The following RPL3 variants were observed in gnomAD, a reference collection of about 807,000 sequenced individuals.
RPL3 encodes large ribosomal subunit protein uL3.
A neutral mutation model predicts 46.0 loss-of-function variants in RPL3; 3 were observed. That is an observed-to-expected ratio of 0.07 (90% confidence interval 0.03 to 0.17). The LOEUF is 0.17. RPL3 is among the 10% of genes least tolerant of loss of function. The pLI is 1.00. For missense variants in RPL3, 387 were observed against 532.7 expected (o/e 0.73, Z 2.69); for synonymous variants, 224 against 190.8 (o/e 1.17, Z -1.43).
intron 1 of RPL3, 146 bp from the exon 2 acceptor site, chr22:39,318,738 T>C: frequency 1.5e-6 from 1 of 667,840 alleles, no homozygotes; most frequent in Non-Finnish European, 2.5e-6. Flanking sequence ...TCATTATCTC[T>C]TCCAGGCTCG....
intron 2 of RPL3, chr22:39,318,002 T>C (rs1328383093): frequency 1.2e-5 from 4 of 341,114 alleles, no homozygotes; most frequent in Non-Finnish European, 2.2e-5. Flanking sequence ...CAACCAGTGC[T>C]GTTAGACATC....
At chr22:39,318,686 T>A in intron 1 of RPL3, 94 bp from the exon 2 acceptor site, 1 of 1,039,096 alleles carries the variant, frequency 9.6e-7, no homozygotes, top group Non-Finnish European at 1.4e-6. Flanking sequence ...TCAGCAATAC[T>A]GAAGAATCCT....
intron 6 of RPL3, 31 bp from the exon 7 acceptor site, chr22:39,314,239 G>A (rs137621): frequency 0.46 from 721,745 of 1,585,162 alleles, 172,796 homozygotes; most frequent in Non-Finnish European, 0.5. Flanking sequence ...TAAGGCTGGG[G>A]CATTAGGGAC....
chr22:39,318,385 G>C lies in RPL3; in HGVS notation c.196+15C>G, dbSNP rs771762173. The C allele has an allele frequency of 1.2e-6, 2 of 1,606,496 alleles. No individual in the cohort carries two copies. Among genetic ancestry groups the C allele is most frequent in the Non-Finnish European group, 1.7e-6 (2 of 1,177,626 alleles). On this transcript the variant is annotated intron_variant, in intron 2 of 9. Transcript: ENST00000216146. Reference sequence around the variant, plus strand: ...CCACTCCTATTCCCCCAACTTTTAGGATGTCTGTACATACTGGATCCCGGC... The same window carrying C: ...CCACTCCTATTCCCCCAACTTTTAGCATGTCTGTACATACTGGATCCCGGC...
In RPL3 at chr22:39,315,541, A is replaced by G. The variant is rs1244339823; in HGVS notation, c.516T>C (p.Pro172=). ...VIAHTQMRLL[P]LRQKKAHLME... ...TCAGGTGGGCCTTCTTCTGGCGCAG[A>G]GGAAGCAGGCGCATCTAGGAGAAGG... The change falls in exon 5 of 10, where the codon CCT becomes CCC. Residue 172 remains proline, a synonymous_variant. Coordinates refer to ENST00000216146, the MANE Select transcript of RPL3 (RefSeq NM_000967.4). The G allele has an allele frequency of 6.2e-7, 1 of 1,614,088 alleles. No individual in the cohort carries two copies. Among genetic ancestry groups the G allele is most frequent in the South Asian group, 1.1e-5 (1 of 91,090 alleles).
At chr22:39,317,322 T>A in intron 3 of RPL3, 139 bp downstream of exon 3, 1 of 974,998 alleles carries the variant, frequency 1.0e-6, no homozygotes, top group Non-Finnish European at 1.5e-6. Context: ...ATCCCAGGTA[T>A]TTTTCTGTTC....
At chr22:39,313,507 G>T in intron 8 of RPL3, 127 bp downstream of exon 8, 1 of 1,247,786 alleles carries the variant, frequency 8.0e-7, no homozygotes, top group Non-Finnish European at 1.1e-6. Flanking sequence ...GGACTTCAAA[G>T]CCAGTGTGAA....
At chr22:39,313,108 C>A in intron 9 of RPL3, 83 bp downstream of exon 9, 1 of 1,598,410 alleles carries the variant, frequency 6.3e-7, no homozygotes, top group Non-Finnish European at 8.5e-7. Context: ...GGCATCAAGA[C>A]CACCCCTACC....
chr22:39,319,470 G>T, intron 1 of RPL3, 125 bp downstream of exon 1: 1 of 1,317,254 alleles, frequency 7.6e-7, no homozygotes, highest in Non-Finnish European at 1.1e-6. Flanking sequence ...TGAAGTCCCC[G>T]CTGGGTCGCC....
Position 39,313,046 on chromosome 22 carries a change from TAG to T in RPL3, c.1168-64_1168-63del, listed in dbSNP as rs368720036. 1.6e-4 allele frequency: 258 copies of T among 1,611,744 alleles called. 2 individuals carry two copies. In the African/African-American group the frequency reaches 2.7e-3, roughly 17 times the overall value. Reference sequence around the variant, plus strand: ...GACAGGTGACAGCAGATGCCCACTCTAGAGGAGACCAAGACTCTGGGCCAGTC... The same window carrying T: ...GACAGGTGACAGCAGATGCCCACTCTAGGAGACCAAGACTCTGGGCCAGTC... On this transcript the variant is annotated intron_variant, in intron 9 of 9. Transcript: ENST00000216146.
chr22:39,318,360 C>G (rs779069717), intron 2 of RPL3, 40 bp downstream of exon 2: 1 of 1,596,858 alleles, frequency 6.3e-7, no homozygotes, highest in Admixed American at 1.8e-5. Context: ...CCCTCCCCCT[C>G]CACTCCTATT....
At chr22:39,318,320 G>T in intron 2 of RPL3, 80 bp downstream of exon 2, 1 of 1,490,890 alleles carries the variant, frequency 6.7e-7, no homozygotes. Context: ...TCTGCCCTCT[G>T]CTAACAGCTT....
chr22:39,319,389 C>T, intron 1 of RPL3: 1 of 683,084 alleles, frequency 1.5e-6, no homozygotes, highest in Non-Finnish European at 2.5e-6. Flanking sequence ...CTCTGGCCGA[C>T]CTGCAGGCCC....
chr22:39,315,357 C>T lies in RPL3; in HGVS notation c.688+12G>A, dbSNP rs370173039. On this transcript the variant is annotated intron_variant, in intron 5 of 9. Coordinates refer to ENST00000216146, the MANE Select transcript of RPL3 (RefSeq NM_000967.4). Reference sequence around the variant, plus strand: ...AGGTTTGCACAGCAACTCAAGCCACCGCAAAGCTCACCTTTGTAGCCTTTG... The same window carrying T: ...AGGTTTGCACAGCAACTCAAGCCACTGCAAAGCTCACCTTTGTAGCCTTTG... The T allele has an allele frequency of 1.5e-5, 25 of 1,614,066 alleles. No individual in the cohort carries two copies. Among genetic ancestry groups the T allele is most frequent in the Non-Finnish European group, 1.9e-5 (22 of 1,180,034 alleles).
At chr22:39,314,877 C>G (rs778489032) in intron 5 of RPL3, 31 bp from the exon 6 acceptor site, 1 of 1,599,552 alleles carries the variant, frequency 6.3e-7, no homozygotes, top group East Asian at 2.2e-5. Flanking sequence ...TTCACCTCAG[C>G]GCCCAGCACC....
In RPL3 at chr22:39,318,428, G is replaced by A. The variant is rs951666976; in HGVS notation, c.168C>T (p.Ile56=). Reference sequence around the variant, plus strand: ...ATCCCGGCCTGTCGACTTCCCGCACGATGTGAGTCATGCCAGCCTTGTATC... The same window carrying A: ...ATCCCGGCCTGTCGACTTCCCGCACAATGTGAGTCATGCCAGCCTTGTATC... ...FLGYKAGMTH[I]VREVDRPGSK... is the part of the protein sequence containing the mutation. The change falls in exon 2 of 10, where the codon ATC becomes ATT. Residue 56 remains isoleucine (I), a synonymous_variant. Coordinates refer to ENST00000216146, the MANE Select transcript of RPL3 (RefSeq NM_000967.4). 1.1e-5 allele frequency: 17 copies of A among 1,613,866 alleles called. No homozygotes were observed. The highest frequency in any genetic ancestry group is 4.4e-5 in the South Asian group (4 of 91,070).
intron 1 of RPL3, chr22:39,318,983 A>C (rs1055821681): frequency 1.9e-6 from 1 of 540,072 alleles, no homozygotes; most frequent in Non-Finnish European, 3.8e-6. Flanking sequence ...ATGTTAAGCT[A>C]TAGGCTGCCT....
chr22:39,314,743 G>A lies in RPL3; in HGVS notation c.792C>T (p.Phe264=), dbSNP rs777317242. The A allele has an allele frequency of 6.2e-7, 1 of 1,613,688 alleles. No individual in the cohort carries two copies. The highest frequency in any genetic ancestry group is 8.5e-7 in the Non-Finnish European group (1 of 1,180,016). Residue 264 remains phenylalanine, a synonymous_variant, in exon 6 of 10, where the codon TTC becomes TTT. Coordinates refer to ENST00000216146, the MANE Select transcript of RPL3 (RefSeq NM_000967.4). The part of the protein sequence containing the change: ...IGAWHPARVA[F]SVARAGQKGY... ...CTTTCTGCCCAGCGCGTGCCACAGA[G>A]AAGGCTACACGAGCAGGATGCCATG...
chr22:39,314,952 T>C (rs1161053530), intron 5 of RPL3, 106 bp from the exon 6 acceptor site: 3 of 1,475,182 alleles, frequency 2.0e-6, no homozygotes, highest in African/African-American at 1.4e-5. Flanking sequence ...GAGGGAGTGA[T>C]AAGATTATTT....
Sources: gnomAD v4.1 joint callset for allele counts on GRCh38, gnomAD v4.1.1 for gene constraint, MANE v1.5 for transcripts, NCBI Gene and HGNC (gene_info 2026-07-23, HGNC 2026-07-21) for gene names.